SPATA13: variants seen among roughly 807,000 people sequenced by gnomAD.
The protein encoded by SPATA13 is spermatogenesis-associated protein 13.
SPATA13 carries 50 observed loss-of-function variants against 104.0 expected under a neutral mutation model. The observed-to-expected ratio is 0.48, with a 90% CI of 0.38 to 0.61. SPATA13 has a LOEUF of 0.61. Among genes scored for constraint, SPATA13 ranks in the 20% least tolerant of loss-of-function variants. The pLI, the probability that SPATA13 is intolerant of heterozygous loss-of-function variation, is 0.00. For missense variants in SPATA13, 1,524 were observed against 1,690.6 expected, an observed-to-expected ratio of 0.90 and a Z score of 1.73; for synonymous variants, 606 against 667.5, an observed-to-expected ratio of 0.91 and a Z score of 1.42.
chr13:24,100,105 C>G (rs1880207559), intron 3 of SPATA13, among the ~76,000 whole-genome samples: 1 of 150,730 alleles, frequency 6.6e-6, no homozygotes, highest in Non-Finnish European at 1.5e-5. Context: ...CCGTGGCTTT[C>G]TCTATCAATG....
chr13:24,237,258 G>T (rs538712603), intron 2 of SPATA13, among the ~76,000 whole-genome samples: 3 of 152,130 alleles, frequency 2.0e-5, no homozygotes, highest in Non-Finnish European at 4.4e-5. Flanking sequence ...TCAGGAGGTG[G>T]AGGCTGAGGC....
At chr13:24,043,762 G>C (rs189331495) in intron 3 of SPATA13, among the ~76,000 whole-genome samples, 19 of 152,226 alleles carry the variant, frequency 1.2e-4, no homozygotes, top group African/African-American at 3.9e-4. Flanking sequence ...ACATTCTGCA[G>C]CATGTTTTCC....
In SPATA13 at chr13:24,286,129, A is replaced by C; in HGVS notation, c.2302-85A>C. 1 of 1,305,446 alleles carries C rather than the reference A, an allele frequency of 7.7e-7. No homozygotes were observed. The highest frequency in any genetic ancestry group is 1.5e-5 in the South Asian group (1 of 67,786). 80.9% of individuals were successfully genotyped at this position (1,305,446 alleles called of 1,614,324 possible). A position where few individuals can be genotyped will look rare whatever the true frequency, so the allele number is the denominator to read the frequency against. On this transcript the variant is annotated intron_variant, in intron 5 of 12. Coordinates refer to ENST00000382108, the MANE Select transcript of SPATA13 (RefSeq NM_001166271.3). This position sits in a 1 kb window ranked among gnomAD's most constrained non-coding sequence, Gnocchi z 4.9. ...ATCCAAGTGAGAGGATACCAGTGTC[A>C]CCCTGAGAGAGTGCACCTAGTGGCT...
At chr13:24,078,703 T>TA (rs935634824) in intron 3 of SPATA13, among the ~76,000 whole-genome samples, 69 of 152,214 alleles carry the variant, frequency 4.5e-4, no homozygotes, top group African/African-American at 1.6e-3. Context: ...GTCATACTCT[T>TA]AAGTGCATAA....
At chr13:24,215,341 T>C (rs560491419) in intron 1 of SPATA13, among the ~76,000 whole-genome samples, 1 of 152,356 alleles carries the variant, frequency 6.6e-6, no homozygotes, top group Admixed American at 6.5e-5. Flanking sequence ...GCAACTGCTT[T>C]AATGTGTAAA....
chr13:24,010,275 GA>G (rs1175709170), intron 2 of SPATA13, among the ~76,000 whole-genome samples: 1 of 152,178 alleles, frequency 6.6e-6, no homozygotes, highest in African/African-American at 2.4e-5. Flanking sequence ...TGGGGCAGAG[GA>G]AGCAATCAGA....
intron 1 of SPATA13, chr13:23,983,651 T>G (rs1322905396): frequency 6.7e-6 from 1 of 148,496 alleles, no homozygotes; most frequent in East Asian, 2.0e-4. Flanking sequence ...GGTTGTTTTT[T>G]TTTTTTAAAA....
At position 24,189,673 on chromosome 13, in the gene SPATA13, T is replaced by A. The variant is rs1340742578; in HGVS notation, c.-112+28741T>A. 2.0e-4 allele frequency among the ~76,000 whole-genome samples: 2 copies of A among 9,788 alleles called. 1 individual carries two copies. The highest frequency in any genetic ancestry group is 9.3e-3 in the Admixed American group (2 of 214). The allele number at this position is 9,788 out of a possible 152,430, so 6.4% of individuals were successfully genotyped here. A position where few individuals can be genotyped will look rare whatever the true frequency, so the allele number is the denominator to read the frequency against. The stretch of plus-strand genomic sequence containing the variant: ...TATTATATATTATATATTTATATAT[T>A]ATATATATTTATATATAATATATAA... On this transcript the variant is annotated intron_variant, in intron 1 of 12. Transcript: ENST00000382108.
At chr13:24,044,151 G>C (rs9580842) in intron 3 of SPATA13, among the ~76,000 whole-genome samples, 146,921 of 152,088 alleles carry the variant, frequency 0.97, 71,181 homozygotes, top group East Asian at 1. Flanking sequence ...CGGGGCTGCT[G>C]TGCTGCAAGC....
intron 2 of SPATA13, among the ~76,000 whole-genome samples, chr13:24,234,299 G>A (rs916832455): frequency 5.3e-5 from 8 of 152,118 alleles, no homozygotes; most frequent in Non-Finnish European, 1.2e-4. Flanking sequence ...TTAATTTGTG[G>A]ATAGGAGGGC....
intron 4 of SPATA13, among the ~76,000 whole-genome samples, chr13:24,261,774 T>TA (rs879409630): frequency 1.3e-3 from 186 of 145,196 alleles, no homozygotes; most frequent in Middle Eastern, 3.5e-3. Context: ...TTCGTGCCCT[T>TA]AAAAAAAAAA....
intron 3 of SPATA13, among the ~76,000 whole-genome samples, chr13:24,103,766 A>G (rs534231645): frequency 6.6e-6 from 1 of 152,220 alleles, no homozygotes; most frequent in African/African-American, 2.4e-5. Context: ...GAGGGTAGTG[A>G]GATAAGGTTT....
At chr13:24,210,517 A>G (rs1870953738) in intron 1 of SPATA13, among the ~76,000 whole-genome samples, 1 of 152,062 alleles carries the variant, frequency 6.6e-6, no homozygotes. Context: ...TTAAGAGACT[A>G]TCCTTTCCCC....
intron 1 of SPATA13, among the ~76,000 whole-genome samples, chr13:24,167,057 G>A (rs149669778): frequency 6.6e-6 from 1 of 152,336 alleles, no homozygotes; most frequent in East Asian, 1.9e-4. Context: ...ACCTTCAAAT[G>A]TTATGATTGG....
chr13:24,289,303 G>A, intron 8 of SPATA13, 125 bp downstream of exon 8: 1 of 763,746 alleles, frequency 1.3e-6, no homozygotes, highest in East Asian at 2.8e-5. Context: ...CCATAGAAAG[G>A]AGATGTTTCT....
At chr13:24,288,911 G>A in intron 7 of SPATA13, 88 bp from the exon 8 acceptor site, 1 of 1,186,064 alleles carries the variant, frequency 8.4e-7, no homozygotes, top group South Asian at 1.8e-5. Flanking sequence ...TTCATTCCAA[G>A]TTCATGGCTT....
chr13:24,286,783 G>C lies in SPATA13; in HGVS notation c.2500G>C (p.Glu834Gln), dbSNP rs1875977811. 3 of 1,613,642 alleles carry C rather than the reference G, an allele frequency of 1.9e-6. No homozygotes were observed. Among genetic ancestry groups the C allele is most frequent in the Non-Finnish European group, 1.7e-6 (2 of 1,179,944 alleles). ...GTTGCAGTTGCGAGTGAATCAGGAA[G>C]AGCTGTCGGAAAACTCCAGCAGCAC... Reference protein sequence around the residue: ...SFVRLRVNQEELSENSSSTPS... With the variant: ...SFVRLRVNQEQLSENSSSTPS... The change falls in exon 7 of 13, where the codon GAG (glutamate) becomes CAG (glutamine). Residue 834 changes from glutamate to glutamine, a missense_variant. Physicochemically the swap from Glu to Gln is conservative, Grantham distance 29 (BLOSUM62 2). Transcript: ENST00000382108. The surrounding 1 kb of genome is among the most constrained non-coding windows in gnomAD (Gnocchi z 4.9).
At chr13:24,192,915 G>A (rs116168582) in intron 1 of SPATA13, among the ~76,000 whole-genome samples, 2,479 of 152,294 alleles carry the variant, frequency 0.016, 77 homozygotes, top group African/African-American at 0.057. Flanking sequence ...TGGTAGAGAT[G>A]GACAGGAGGA....
At chr13:24,208,301 A>G (rs535461894) in intron 1 of SPATA13, among the ~76,000 whole-genome samples, 2 of 152,366 alleles carry the variant, frequency 1.3e-5, no homozygotes, top group South Asian at 4.1e-4. Flanking sequence ...AAAGGCTGAT[A>G]ATAACCTGTG....
Sources: gnomAD v4.1 joint callset for allele counts (sites outside exome capture counted in the v4.1 genomes callset) on GRCh38, gnomAD v4.1.1 for gene constraint, Gnocchi (gnomAD v3.1) non-coding constraint, MANE v1.5 for transcripts, NCBI Gene and HGNC (gene_info 2026-07-23, HGNC 2026-07-21) for gene names.